Variants in ADAD1 observed in about 807,000 individuals in gnomAD.
ADAD1 encodes adenosine deaminase domain containing 1, also known as adenosine deaminase domain-containing protein 1.
Under a neutral mutation model 66.8 loss-of-function variants are expected in ADAD1, and 46 were observed. The observed-to-expected ratio is 0.69, with a 90% CI of 0.54 to 0.88. The LOEUF is 0.88. ADAD1 is among the 40% of genes least tolerant of loss of function. The pLI is 0.00. For synonymous variants in ADAD1, 248 were observed against 229.4 expected (o/e 1.08, Z -0.73); for missense variants, 617 against 681.8 (o/e 0.91, Z 1.06).
intron 4 of ADAD1, among the ~76,000 whole-genome samples, chr4:122,382,363 A>G (rs1794941525): frequency 6.6e-6 from 1 of 152,252 alleles, no homozygotes; most frequent in Admixed American, 6.5e-5. Context: ...ATTTAGATTT[A>G]CACTAAAGTT....
rs1348505364 is a variant in ADAD1, at chr4:122,396,260, C to T, written c.607C>T (p.His203Tyr). 2 of 1,583,524 alleles carry T rather than the reference C, an allele frequency of 1.3e-6. No homozygotes were observed. Among genetic ancestry groups the T allele is most frequent in the Non-Finnish European group, 1.7e-6 (2 of 1,167,588 alleles). ...YVSKVHYEGR[H>Y]IQYAKISQIV... The stretch of plus-strand genomic sequence containing the variant: ...TTTTGATTTTTTTCTAGAAGGGAGA[C>T]ATATTCAATATGCAAAGATTTCACA... Residue 203 changes from histidine (H) to tyrosine (Y), a missense_variant, in exon 7 of 13, where the codon CAT (histidine) becomes TAT (tyrosine). His to Tyr is a moderately conservative substitution (Grantham distance 83). Coordinates refer to ENST00000296513, the MANE Select transcript of ADAD1 (RefSeq NM_139243.4).
At chr4:122,418,978 C>T (rs1299312057) in intron 11 of ADAD1, among the ~76,000 whole-genome samples, 6 of 152,112 alleles carry the variant, frequency 3.9e-5, no homozygotes, top group Admixed American at 6.5e-5. Context: ...GGCAATTCCT[C>T]AAAGACCTAA....
At chr4:122,402,553 C>T (rs575955433) in intron 7 of ADAD1, among the ~76,000 whole-genome samples, 80 of 152,218 alleles carry the variant, frequency 5.3e-4, no homozygotes, top group South Asian at 1.0e-3. Flanking sequence ...CTAGCAAGGC[C>T]TGTGAAGTTT....
At position 122,383,794 on chromosome 4, in the gene ADAD1, T is replaced by C; in HGVS notation, c.362-5T>C. The stretch of plus-strand genomic sequence containing the variant: ...TGTAGCATTCATTCTGAGTTCTTTT[T>C]CAAGGTAATGTTATGGGACCATATT... On this transcript the variant is annotated splice_polypyrimidine_tract_variant and splice_region_variant and intron_variant, in intron 4 of 12. Coordinates refer to ENST00000296513, the MANE Select transcript of ADAD1 (RefSeq NM_139243.4). 1 of 1,580,630 alleles carries C rather than the reference T, an allele frequency of 6.3e-7. No individual in the cohort carries two copies. Among genetic ancestry groups the C allele is most frequent in the Non-Finnish European group, 8.6e-7 (1 of 1,169,184 alleles).
At chr4:122,411,097 G>A in intron 8 of ADAD1, 125 bp from the exon 9 acceptor site, 1 of 728,804 alleles carries the variant, frequency 1.4e-6, no homozygotes, top group African/African-American at 1.9e-5. Context: ...TGATTTAGGA[G>A]TTCTTACCTG....
At chr4:122,426,289 G>A (rs1328037898) in intron 12 of ADAD1, among the ~76,000 whole-genome samples, 1 of 151,986 alleles carries the variant, frequency 6.6e-6, no homozygotes, top group Non-Finnish European at 1.5e-5. Context: ...CATAAAAACT[G>A]ACTTAACAAT....
chr4:122,396,334 C>T lies in ADAD1; in HGVS notation c.681C>T (p.Tyr227=). ...AACTAATTTCTAATCGTTCAGAATA[C>T]CTGAAATATAGCAGTTCATTGGCTG... is the stretch of plus-strand genomic sequence containing the variant. ...FNQLISNRSE[Y]LKYSSSLAAF... Residue 227 remains tyrosine, a synonymous_variant, in exon 7 of 13, where the codon TAC becomes TAT. Transcript: ENST00000296513. 3 of 1,601,614 alleles carry T rather than the reference C, an allele frequency of 1.9e-6. No homozygotes were observed. Among genetic ancestry groups the T allele is most frequent in the Non-Finnish European group, 2.6e-6 (3 of 1,174,452 alleles).
At position 122,429,622 on chromosome 4, in the gene ADAD1, C is replaced by T. The variant is rs1410151190; in HGVS notation, c.1618-4C>T. ...CTATAATTCATTTTTTCTTTCTTCT[C>T]TAGTGTATGTCTGCCTCCTATCAAG... is the stretch of plus-strand genomic sequence containing the variant. On this transcript the variant is annotated splice_region_variant and splice_polypyrimidine_tract_variant and intron_variant, in intron 12 of 12. Transcript: ENST00000296513. The T allele has an allele frequency of 6.3e-7, 1 of 1,583,484 alleles. No homozygotes were observed. Among genetic ancestry groups the T allele is most frequent in the Admixed American group, 1.7e-5 (1 of 59,740 alleles).
chr4:122,395,446 G>A (rs971126695), intron 6 of ADAD1, among the ~76,000 whole-genome samples: 37 of 152,156 alleles, frequency 2.4e-4, no homozygotes, highest in African/African-American at 8.2e-4. Flanking sequence ...ACTTTGTGAG[G>A]CCAAGGCGGG....
intron 4 of ADAD1, 143 bp downstream of exon 4, chr4:122,381,323 C>T (rs905443466): frequency 5.6e-5 from 48 of 858,270 alleles, no homozygotes; most frequent in African/African-American, 5.4e-4. Context: ...TTTATGTTCA[C>T]ACTTCTTTAG....
At chr4:122,392,195 C>G (rs1488040169) in intron 5 of ADAD1, among the ~76,000 whole-genome samples, 1 of 152,144 alleles carries the variant, frequency 6.6e-6, no homozygotes, top group Non-Finnish European at 1.5e-5. Flanking sequence ...AACTCTATTA[C>G]TGGGTTTATA....
intron 5 of ADAD1, among the ~76,000 whole-genome samples, chr4:122,387,334 C>T (rs531868578): frequency 1.3e-5 from 2 of 152,228 alleles, no homozygotes; most frequent in African/African-American, 4.8e-5. Context: ...CTTTGGCTCT[C>T]TGCTTGCCTA....
In ADAD1 at chr4:122,412,472, A is replaced by G; in HGVS notation, c.1020-108A>G. ...CATCTGTTTCTGTTACTGGAATTAA[A>G]TGTACACTGGGAAGTTAAACATGTT... On this transcript the variant is annotated intron_variant, in intron 9 of 12. Coordinates refer to ENST00000296513, the MANE Select transcript of ADAD1 (RefSeq NM_139243.4). 4 of 870,128 alleles carry G rather than the reference A, an allele frequency of 4.6e-6. No homozygotes were observed. The South Asian group carries it at 5.1e-5, about 11-fold the overall frequency. The allele number at this position is 870,128 out of a possible 1,614,324, so 53.9% of individuals were successfully genotyped here.
chr4:122,414,252 C>A (rs866126572), intron 10 of ADAD1, among the ~76,000 whole-genome samples: 1 of 116,816 alleles, frequency 8.6e-6, no homozygotes, highest in African/African-American at 3.2e-5. Context: ...TTTTTTCTTC[C>A]TTTTTCCAAA....
chr4:122,427,724 T>A (rs1472332439), intron 12 of ADAD1, among the ~76,000 whole-genome samples: 1 of 151,634 alleles, frequency 6.6e-6, no homozygotes, highest in Non-Finnish European at 1.5e-5. Context: ...TTAGTAGAGA[T>A]GGGGTTTCAC....
Position 122,383,821 on chromosome 4 carries a change from T to C in ADAD1, c.384T>C (p.Phe128=). Reference sequence around the variant, plus strand: ...AAGGTAATGTTATGGGACCATATTTTGCCTTTTGTGCTGTGGTGGATGGTA... The same window carrying C: ...AAGGTAATGTTATGGGACCATATTTCGCCTTTTGTGCTGTGGTGGATGGTA... ...VTTGNVMGPY[F]AFCAVVDGIQ... is the part of the protein sequence containing the mutation. Residue 128 remains phenylalanine (F), a synonymous_variant, in exon 5 of 13, where the codon TTT becomes TTC. Transcript: ENST00000296513. 2 of 1,605,086 alleles carry C rather than the reference T, an allele frequency of 1.2e-6. No individual in the cohort carries two copies. Among genetic ancestry groups the C allele is most frequent in the Non-Finnish European group, 1.7e-6 (2 of 1,177,528 alleles).
At chr4:122,423,946 G>C (rs1234334764) in intron 12 of ADAD1, among the ~76,000 whole-genome samples, 1 of 152,116 alleles carries the variant, frequency 6.6e-6, no homozygotes, top group Non-Finnish European at 1.5e-5. Context: ...ACAAATTATT[G>C]AATATACTGA....
intron 6 of ADAD1, among the ~76,000 whole-genome samples, chr4:122,394,389 CTTTAAAG>C (rs1795599252): frequency 6.6e-6 from 1 of 152,116 alleles, no homozygotes; most frequent in South Asian, 2.1e-4. Context: ...ACACTTCAGA[CTTTAAAG>C]TTTAGAGTAT....
chr4:122,428,547 T>A (rs1210694282), intron 12 of ADAD1, among the ~76,000 whole-genome samples: 1 of 152,058 alleles, frequency 6.6e-6, no homozygotes, highest in East Asian at 1.9e-4. Flanking sequence ...ACCCCTACAA[T>A]GGAATATTAT....
Sources: gnomAD v4.1 joint callset for allele counts (sites outside exome capture counted in the v4.1 genomes callset) on GRCh38, gnomAD v4.1.1 for gene constraint, MANE v1.5 for transcripts, NCBI Gene and HGNC (gene_info 2026-07-23, HGNC 2026-07-21) for gene names.